Variants in NCKAP1 observed in about 807,000 individuals in gnomAD.
NCKAP1 encodes nck-associated protein 1.
A neutral mutation model predicts 151.2 loss-of-function variants in NCKAP1; 21 were observed. The observed-to-expected ratio is 0.14, with a 90% CI of 0.10 to 0.20. The LOEUF (loss-of-function observed/expected upper bound fraction) is 0.20. Among genes scored for constraint, NCKAP1 ranks in the 10% least tolerant of loss-of-function variants. The pLI is 1.00. For synonymous variants in NCKAP1, 484 were observed against 451.8 expected (o/e 1.07, Z -0.90); for missense variants, 933 against 1,352.1 (o/e 0.69, Z 4.86).
intron 23 of NCKAP1, among the ~76,000 whole-genome samples, chr2:182,951,884 A>C (rs1697225321): frequency 6.6e-6 from 1 of 152,148 alleles, no homozygotes; most frequent in African/African-American, 2.4e-5. Flanking sequence ...AAGGTATTTA[A>C]AATGTTGTTG....
chr2:182,982,290 A>G (rs534797883), intron 12 of NCKAP1, among the ~76,000 whole-genome samples: 33 of 152,328 alleles, frequency 2.2e-4, no homozygotes, highest in Non-Finnish European at 3.4e-4. Flanking sequence ...TCTAATTAAT[A>G]TCATCTAATG....
At chr2:182,967,430 G>T (rs1461300064) in intron 15 of NCKAP1, 69 bp from the exon 16 acceptor site, 10 of 1,358,136 alleles carry the variant, frequency 7.4e-6, no homozygotes, top group Non-Finnish European at 1.0e-5. Flanking sequence ...CATTTTACAG[G>T]GGGAAAAGCA....
At chr2:182,988,794 T>C (rs572150832) in intron 9 of NCKAP1, among the ~76,000 whole-genome samples, 1 of 152,336 alleles carries the variant, frequency 6.6e-6, no homozygotes, top group South Asian at 2.1e-4. Flanking sequence ...CTATATTACA[T>C]GTTTTGAAAG....
At chr2:182,941,568 C>A (rs897399107) in intron 24 of NCKAP1, among the ~76,000 whole-genome samples, 1 of 152,158 alleles carries the variant, frequency 6.6e-6, no homozygotes, top group Non-Finnish European at 1.5e-5. Flanking sequence ...AGGAGACCAA[C>A]TACAAAGAGA....
At chr2:182,962,304 A>ATAC in intron 17 of NCKAP1, 26 bp from the exon 18 acceptor site, 1 of 1,555,226 alleles carries the variant, frequency 6.4e-7, no homozygotes. Flanking sequence ...AATAATAATA[A>ATAC]TACAAGTTAT....
Position 182,953,210 on chromosome 2 carries a change from T to C in NCKAP1, c.2275A>G (p.Ile759Val), listed in dbSNP as rs1697254376. ...TTATTAAATACTCTTGTAATATCAA[T>C]CTGCACATAGTTTTCTATTGACTGG... Reference protein sequence around the residue: ...VLQSIENYVQIDITRVFNNVL... With the variant: ...VLQSIENYVQVDITRVFNNVL... Residue 759 changes from isoleucine to valine, a missense_variant, in exon 21 of 31, where the codon ATT becomes GTT. Physicochemically the swap from Ile to Val is conservative, Grantham distance 29 (BLOSUM62 3). This residue lies in a region of NCKAP1 where 326 missense variants were observed against 557.1 expected (regional missense o/e 0.59). Coordinates refer to ENST00000361354, the MANE Select transcript of NCKAP1 (RefSeq NM_013436.5). 1 of 1,612,916 alleles carries C rather than the reference T, an allele frequency of 6.2e-7. No individual in the cohort carries two copies. The highest frequency in any genetic ancestry group is 8.5e-7 in the Non-Finnish European group (1 of 1,179,006).
chr2:183,018,801 G>A (rs1698743142), intron 2 of NCKAP1, among the ~76,000 whole-genome samples: 1 of 152,114 alleles, frequency 6.6e-6, no homozygotes, highest in South Asian at 2.1e-4. Context: ...TCATTAATGG[G>A]ACATTTATTT....
chr2:182,983,414 G>T, intron 10 of NCKAP1, 32 bp from the exon 11 acceptor site: 1 of 1,439,158 alleles, frequency 6.9e-7, no homozygotes, highest in Non-Finnish European at 9.7e-7. Context: ...TAGTTTATCT[G>T]CTTCTACTAA....
chr2:182,983,422 T>C, intron 10 of NCKAP1, 40 bp from the exon 11 acceptor site: 1 of 1,412,588 alleles, frequency 7.1e-7, no homozygotes, highest in Non-Finnish European at 9.9e-7. Context: ...CTGCTTCTAC[T>C]AAAATTATTA....
At chr2:182,998,285 T>C (rs1205339273) in intron 6 of NCKAP1, among the ~76,000 whole-genome samples, 4 of 152,058 alleles carry the variant, frequency 2.6e-5, no homozygotes, top group Non-Finnish European at 5.9e-5. Flanking sequence ...TCTGTACTCC[T>C]ACCATGTCTG....
In NCKAP1 at chr2:182,956,967, C is replaced by A. The variant is rs79895077; in HGVS notation, c.2022-374G>T. 7.6e-3 allele frequency: 1,305 copies of A among 170,798 alleles called. 17 individuals carry two copies. The highest frequency in any genetic ancestry group is 0.029 in the African/African-American group (1,234 of 42,054). 10.6% of individuals were successfully genotyped at this position (170,798 alleles called of 1,614,324 possible). ...ATTTAGCAAGAAAGTAGGAACTATA[C>A]TTTAAACAAAAAATATTTACCGAAT... On this transcript the variant is annotated intron_variant, in intron 19 of 30. Coordinates refer to ENST00000361354, the MANE Select transcript of NCKAP1 (RefSeq NM_013436.5).
chr2:183,017,213 G>A (rs924947215), intron 2 of NCKAP1, among the ~76,000 whole-genome samples: 1 of 152,112 alleles, frequency 6.6e-6, no homozygotes, highest in Non-Finnish European at 1.5e-5. Context: ...CATGTACTGG[G>A]GCGGAGGGGT....
chr2:182,990,364 G>A (rs1170481177), intron 8 of NCKAP1, among the ~76,000 whole-genome samples: 1 of 152,072 alleles, frequency 6.6e-6, no homozygotes, highest in African/African-American at 2.4e-5. Context: ...TTGAAGAAGT[G>A]AAGGGTCAAT....
chr2:183,005,656 T>C (rs1027318340), intron 2 of NCKAP1, among the ~76,000 whole-genome samples: 1 of 152,122 alleles, frequency 6.6e-6, no homozygotes, highest in Admixed American at 6.6e-5. Context: ...AAACAACTAC[T>C]AGATGCCTAA....
intron 26 of NCKAP1, among the ~76,000 whole-genome samples, chr2:182,931,067 T>C (rs1696753404): frequency 1.3e-5 from 2 of 152,106 alleles, no homozygotes; most frequent in Non-Finnish European, 2.9e-5. Flanking sequence ...ATCACTTTGC[T>C]TGGAAGCATG....
intron 2 of NCKAP1, among the ~76,000 whole-genome samples, chr2:183,011,043 G>T (rs892083165): frequency 2.6e-5 from 4 of 152,132 alleles, no homozygotes; most frequent in African/African-American, 9.7e-5. Flanking sequence ...CTACTGACTT[G>T]TACAAGATAA....
In NCKAP1 at chr2:182,978,768, TC is replaced by T. The variant is rs1697877199; in HGVS notation, c.1423+65del. 7.8e-6 allele frequency: 7 copies of T among 903,000 alleles called. No individual in the cohort carries two copies. The South Asian group carries it at 1.7e-4, about 21-fold the overall frequency. The allele number at this position is 903,000 out of a possible 1,614,324, so 55.9% of individuals were successfully genotyped here. ...TAGCCAAATTAATTGGTAAATTATC[TC>T]CTTAATAATCAAGTTTGAAAATCTA... is the stretch of plus-strand genomic sequence containing the variant. On this transcript the variant is annotated intron_variant, in intron 14 of 30. Coordinates refer to ENST00000361354, the MANE Select transcript of NCKAP1 (RefSeq NM_013436.5).
rs1696519283 is a variant in NCKAP1 at position 182,919,650 on chromosome 2, T to C, written c.*6052A>G. The stretch of plus-strand genomic sequence containing the variant: ...GCAAGTGCTTTTTTTTTTTAATGTA[T>C]TATAATTTTTTTTTTTTTTGAGACA... On this transcript the variant is annotated 3_prime_UTR_variant, in exon 31 of 31. Coordinates refer to ENST00000361354, the MANE Select transcript of NCKAP1 (RefSeq NM_013436.5). 6.6e-6 allele frequency: 1 copy of C among 151,642 alleles called. No homozygotes were observed. Among genetic ancestry groups the C allele is most frequent in the Admixed American group, 6.6e-5 (1 of 15,224 alleles). The allele number at this position is 151,642 out of a possible 1,614,324, so 9.4% of individuals were successfully genotyped here. A position where few individuals can be genotyped will look rare whatever the true frequency, so the allele number is the denominator to read the frequency against.
Position 182,956,425 on chromosome 2 carries a change from GAGTCAACAAACAAAAAC to G in NCKAP1, c.2153+20_2153+36del. ...ATAATTAAATAACAAACTCATTACTGAGTCAACAAACAAAAACAGTCAATATTCTTTCTTACTTGGTA... is the reference window on the plus strand; with the variant it reads ...ATAATTAAATAACAAACTCATTACTGAGTCAATATTCTTTCTTACTTGGTA... On this transcript the variant is annotated intron_variant, in intron 20 of 30. Coordinates refer to ENST00000361354, the MANE Select transcript of NCKAP1 (RefSeq NM_013436.5). 1 of 1,586,886 alleles carries G rather than the reference GAGTCAACAAACAAAAAC, an allele frequency of 6.3e-7. No individual in the cohort carries two copies.
Sources: gnomAD v4.1 joint callset for allele counts (sites outside exome capture counted in the v4.1 genomes callset) on GRCh38, gnomAD v4.1.1 for gene constraint, gnomAD v4.1.1 regional missense constraint, MANE v1.5 for transcripts, NCBI Gene and HGNC (gene_info 2026-07-23, HGNC 2026-07-21) for gene names.